The following LINGO2 variants were observed in gnomAD, a reference collection of about 807,000 sequenced individuals.
The protein encoded by LINGO2 is leucine rich repeat and Ig domain containing 2, also known as leucine-rich repeat and immunoglobulin-like domain-containing nogo receptor-interacting protein 2.
In LINGO2, 14 loss-of-function variants were observed where a neutral mutation model predicts 30.6. That is an observed-to-expected ratio of 0.46 (90% CI 0.30 to 0.72). LINGO2 has a LOEUF of 0.72. Ranked by LOEUF, LINGO2 falls within the 30% of genes least tolerant of loss-of-function variation. LINGO2 has a pLI of 0.07. For missense variants in LINGO2, 729 were observed against 751.7 expected, an observed-to-expected ratio of 0.97 and a Z score of 0.35; for synonymous variants, 317 against 288.5, an observed-to-expected ratio of 1.10 and a Z score of -1.00.
intron 4 of LINGO2, among the ~76,000 whole-genome samples, chr9:28,025,051 C>T (rs951050490): frequency 6.6e-6 from 1 of 152,198 alleles, no homozygotes; most frequent in African/African-American, 2.4e-5. Flanking sequence ...GGATTTCTTT[C>T]ACTCAATTAC....
chr9:28,906,917 T>C, the LINGO2 span, among the ~76,000 whole-genome samples: 1 of 151,922 alleles, frequency 6.6e-6, no homozygotes, highest in East Asian at 1.9e-4. Flanking sequence ...AAAAGTTCTG[T>C]CATATTTGTT....
chr9:28,036,878 G>A (rs1823962140), intron 4 of LINGO2, among the ~76,000 whole-genome samples: 1 of 152,182 alleles, frequency 6.6e-6, no homozygotes, highest in African/African-American at 2.4e-5. Flanking sequence ...GACTAGCTCA[G>A]CCTCAACAAA....
the LINGO2 span, among the ~76,000 whole-genome samples, chr9:28,972,358 C>A: frequency 6.6e-6 from 1 of 152,084 alleles, no homozygotes; most frequent in Non-Finnish European, 1.5e-5. Context: ...ACCTTTCAGA[C>A]AGAGATTTCA....
chr9:28,154,611 C>T (rs12238612), intron 4 of LINGO2, among the ~76,000 whole-genome samples: 8,140 of 152,164 alleles, frequency 0.053, 267 homozygotes, highest in East Asian at 0.19. Context: ...GTTTCCACAA[C>T]GAAGAGAAAA....
At chr9:28,990,560 GC>G in the LINGO2 span, among the ~76,000 whole-genome samples, 1 of 152,178 alleles carries the variant, frequency 6.6e-6, no homozygotes, top group Non-Finnish European at 1.5e-5. Flanking sequence ...TTTTCAAGTG[GC>G]TCCCTGACCC....
At chr9:28,928,391 T>C in the LINGO2 span, among the ~76,000 whole-genome samples, 2 of 152,204 alleles carry the variant, frequency 1.3e-5, no homozygotes, top group South Asian at 4.1e-4. Flanking sequence ...AAGAAGGATA[T>C]ACCTATCCTA....
chr9:29,089,216 A>T, the LINGO2 span, among the ~76,000 whole-genome samples: 1 of 151,552 alleles, frequency 6.6e-6, no homozygotes, highest in Non-Finnish European at 1.5e-5. Flanking sequence ...TATATCATCA[A>T]CATAATATTA....
chr9:28,962,142 T>C, the LINGO2 span, among the ~76,000 whole-genome samples: 1 of 149,548 alleles, frequency 6.7e-6, no homozygotes, highest in African/African-American at 2.5e-5. Context: ...GAGCTACTGG[T>C]AAAATATTTT....
chr9:28,903,581 T>A, the LINGO2 span, among the ~76,000 whole-genome samples: 1 of 152,122 alleles, frequency 6.6e-6, no homozygotes, highest in Admixed American at 6.6e-5. Context: ...GCTCAAGGAA[T>A]CCTCCTACTT....
chr9:28,977,879 T>C, the LINGO2 span, among the ~76,000 whole-genome samples: 1 of 152,120 alleles, frequency 6.6e-6, no homozygotes, highest in Admixed American at 6.6e-5. Context: ...GTATAAATGA[T>C]GTGGCTGTCT....
At chr9:28,996,002 C>T in the LINGO2 span, among the ~76,000 whole-genome samples, 62 of 134,944 alleles carry the variant, frequency 4.6e-4, no homozygotes, top group African/African-American at 1.6e-3. Context: ...CACATGTACC[C>T]TAAAACTTAA....
the LINGO2 span, among the ~76,000 whole-genome samples, chr9:28,898,768 C>T: frequency 6.6e-6 from 1 of 152,112 alleles, no homozygotes; most frequent in South Asian, 2.1e-4. Context: ...TGGGACCTAC[C>T]AGAGAGTGGA....
the LINGO2 span, among the ~76,000 whole-genome samples, chr9:28,922,364 G>A: frequency 6.6e-6 from 1 of 150,928 alleles, no homozygotes; most frequent in South Asian, 2.1e-4. Flanking sequence ...CAGTTACTCT[G>A]CAAAGAGTCA....
intron 4 of LINGO2, among the ~76,000 whole-genome samples, chr9:28,089,424 C>T (rs1329668486): frequency 7.2e-5 from 11 of 152,146 alleles, no homozygotes; most frequent in Non-Finnish European, 1.5e-4. Flanking sequence ...CTCAAAACTG[C>T]TCAACTACAT....
At chr9:29,091,719 G>A in the LINGO2 span, among the ~76,000 whole-genome samples, 1 of 152,032 alleles carries the variant, frequency 6.6e-6, no homozygotes, top group African/African-American at 2.4e-5. Context: ...ACAGGAGAGT[G>A]TCTGTAGCAA....
the LINGO2 span, among the ~76,000 whole-genome samples, chr9:28,940,653 T>A: frequency 6.6e-6 from 1 of 152,096 alleles, no homozygotes; most frequent in African/African-American, 2.4e-5. Context: ...ACATTAAAAC[T>A]TTGTATGTGC....
chr9:28,296,043 G>C (rs557777114), intron 3 of LINGO2, among the ~76,000 whole-genome samples: 2 of 152,290 alleles, frequency 1.3e-5, no homozygotes, highest in East Asian at 3.9e-4. Flanking sequence ...GTACACAAAG[G>C]AATGACCAGA....
At chr9:29,108,872 A>C in the LINGO2 span, among the ~76,000 whole-genome samples, 1 of 152,208 alleles carries the variant, frequency 6.6e-6, no homozygotes, top group Non-Finnish European at 1.5e-5. Context: ...GTGTGATTGC[A>C]AAGTCTGTTT....
At chr9:28,413,344 C>G (rs1822843932) in intron 2 of LINGO2, among the ~76,000 whole-genome samples, 1 of 152,052 alleles carries the variant, frequency 6.6e-6, no homozygotes, top group Non-Finnish European at 1.5e-5. Flanking sequence ...AAGTGACTTG[C>G]CTAAGTTTTC....
Sources: allele counts gnomAD v4.1 joint callset (sites outside exome capture counted in the v4.1 genomes callset), GRCh38; gene constraint gnomAD v4.1.1; transcripts MANE v1.5; gene names NCBI Gene and HGNC (gene_info 2026-07-23, HGNC 2026-07-21).